MGLL: variants seen among roughly 807,000 people sequenced by gnomAD.
The protein encoded by MGLL is monoglyceride lipase.
Under a neutral mutation model 29.1 loss-of-function variants are expected in MGLL, and 7 were observed. That is an observed-to-expected ratio of 0.24 (90% CI 0.14 to 0.45). MGLL has a LOEUF of 0.45. Among genes scored for constraint, MGLL ranks in the 20% least tolerant of loss-of-function variants. MGLL has a pLI of 0.99. For synonymous variants in MGLL, 148 were observed against 168.3 expected (o/e 0.88, Z 0.93); for missense variants, 356 against 413.6 (o/e 0.86, Z 1.21).
chr3:127,701,302 T>C (rs921799547), intron 6 of MGLL, among the ~76,000 whole-genome samples: 6 of 151,556 alleles, frequency 4.0e-5, no homozygotes, highest in African/African-American at 1.5e-4. Flanking sequence ...TGGCCTGAAT[T>C]TGGAACATGC....
At chr3:127,819,535 T>C (rs1335962864) in intron 2 of MGLL, among the ~76,000 whole-genome samples, 1 of 152,096 alleles carries the variant, frequency 6.6e-6, no homozygotes, top group Non-Finnish European at 1.5e-5. Context: ...TGCCCCTTGC[T>C]TTTCCTCCCT....
rs2076237779 is a variant in MGLL, at chr3:127,736,090, A to C, written c.263-13524T>G. 4.8e-6 allele frequency: 6 copies of C among 1,254,144 alleles called. No homozygotes were observed. In the South Asian group the frequency reaches 1.7e-4, roughly 35 times the overall value. 77.7% of individuals were successfully genotyped at this position (1,254,144 alleles called of 1,614,324 possible). ...CCTCTGTGAGATTACAGAAGTTCCC[A>C]AACAGTGCTAGTTCCATTGTTTGGA... On this transcript the variant is annotated intron_variant, in intron 3 of 7. Coordinates refer to ENST00000265052, the MANE Select transcript of MGLL (RefSeq NM_007283.7).
Position 127,720,062 on chromosome 3 carries a change from G to A in MGLL, c.510+991C>T, listed in dbSNP as rs192870901. Among the ~76,000 whole-genome samples, 12 of 152,310 alleles carry A rather than the reference G, an allele frequency of 7.9e-5. No homozygotes were observed. The East Asian group carries it at 1.3e-3, about 17-fold the overall frequency. ...AAACCCTTTGAGGATGTTGTTATAA[G>A]GTTTCATTCCCTGTACTGTGTTGAA... On this transcript the variant is annotated intron_variant, in intron 5 of 7. Coordinates refer to ENST00000265052, the MANE Select transcript of MGLL (RefSeq NM_007283.7).
rs1317806604 is a variant in MGLL at position 127,693,996 on chromosome 3, G to GCA, written c.816+978_816+979insTG. Reference sequence around the variant, plus strand: ...GCTTTTAAAAAATATATTTTGCTGGGTGAGGTGGCTCACGCCTGCAATCCC... The same window carrying GCA: ...GCTTTTAAAAAATATATTTTGCTGGGCATGAGGTGGCTCACGCCTGCAATCCC... On this transcript the variant is annotated intron_variant, in intron 7 of 7. Transcript: ENST00000265052. 7.9e-3 allele frequency among the ~76,000 whole-genome samples: 1,204 copies of GCA among 152,254 alleles called. 16 individuals carry two copies. Among genetic ancestry groups the GCA allele is most frequent in the East Asian group, 0.073 (376 of 5,170 alleles).
At position 127,781,852 on chromosome 3, in the gene MGLL, G is replaced by A. The variant is rs755309988; in HGVS notation, c.199C>T (p.Arg67Cys). 2.5e-6 allele frequency: 4 copies of A among 1,614,086 alleles called. No individual in the cohort carries two copies. Among genetic ancestry groups the A allele is most frequent in the East Asian group, 2.2e-5 (1 of 44,870 alleles). ...AGCATCCGAGCCAGCTCTTCATAGC[G>A]GCCACTGTGCTCTCCGGCTCCATGG... is the stretch of plus-strand genomic sequence containing the variant. ...VSHGAGEHSGRYEELARMLMG... is the reference protein window; with the variant it reads ...VSHGAGEHSGCYEELARMLMG... Residue 67 changes from arginine to cysteine, a missense_variant, in exon 3 of 8, where the codon CGC becomes TGC. Coordinates refer to ENST00000265052, the MANE Select transcript of MGLL (RefSeq NM_007283.7).
At chr3:127,734,961 G>C (rs566429669) in intron 3 of MGLL, among the ~76,000 whole-genome samples, 1 of 152,226 alleles carries the variant, frequency 6.6e-6, no homozygotes, top group Non-Finnish European at 1.5e-5. Flanking sequence ...CTTACAGAAT[G>C]TGTGGTCAGG....
intron 3 of MGLL, among the ~76,000 whole-genome samples, chr3:127,748,300 G>T (rs922725176): frequency 5.3e-5 from 8 of 152,028 alleles, no homozygotes; most frequent in Non-Finnish European, 8.8e-5. Context: ...TGAGGGTTAC[G>T]CATCGCAGTC....
intron 3 of MGLL, among the ~76,000 whole-genome samples, chr3:127,726,705 C>T (rs564536452): frequency 6.6e-6 from 1 of 152,312 alleles, no homozygotes; most frequent in South Asian, 2.1e-4. Flanking sequence ...GCTGGGATTA[C>T]AGGTGTGAGC....
chr3:127,764,695 T>A (rs1239895597), intron 3 of MGLL, among the ~76,000 whole-genome samples: 1 of 152,196 alleles, frequency 6.6e-6, no homozygotes, highest in Non-Finnish European at 1.5e-5. Context: ...TTATAAATAC[T>A]CCATGCCGTA....
At chr3:127,772,394 G>A (rs1395781559) in intron 3 of MGLL, among the ~76,000 whole-genome samples, 1 of 152,132 alleles carries the variant, frequency 6.6e-6, no homozygotes, top group Non-Finnish European at 1.5e-5. Context: ...GAGAAGTCAA[G>A]TAACTTGCCA....
intron 3 of MGLL, among the ~76,000 whole-genome samples, chr3:127,749,857 A>T (rs1056487282): frequency 6.6e-6 from 1 of 152,150 alleles, no homozygotes; most frequent in African/African-American, 2.4e-5. Context: ...TTTAGTAATG[A>T]CCAGAAGGAG....
At chr3:127,736,290 T>C in intron 3 of MGLL, 1 of 985,938 alleles carries the variant, frequency 1.0e-6, no homozygotes, top group Non-Finnish European at 1.2e-6. Flanking sequence ...ACTATATTTT[T>C]TAACAAGAAG....
chr3:127,700,525 C>T (rs936668973), intron 6 of MGLL, among the ~76,000 whole-genome samples: 4 of 152,214 alleles, frequency 2.6e-5, no homozygotes, highest in African/African-American at 9.7e-5. Context: ...GTCTGCCCCA[C>T]GTGAGGGTCA....
chr3:127,736,519 A>C (rs2076245327), intron 3 of MGLL, among the ~76,000 whole-genome samples: 1 of 152,190 alleles, frequency 6.6e-6, no homozygotes, highest in Non-Finnish European at 1.5e-5. Context: ...GGTGAGGGGA[A>C]GGGCTCCTTT....
intron 2 of MGLL, among the ~76,000 whole-genome samples, chr3:127,813,210 G>A (rs1188421540): frequency 6.6e-6 from 1 of 151,356 alleles, no homozygotes; most frequent in Non-Finnish European, 1.5e-5. Context: ...TTTTTGTTTG[G>A]GGCCCCCTCA....
chr3:127,738,136 C>T (rs2076276560), intron 3 of MGLL, among the ~76,000 whole-genome samples: 1 of 151,608 alleles, frequency 6.6e-6, no homozygotes, highest in African/African-American at 2.4e-5. Flanking sequence ...CCCACCTGTA[C>T]AAAAAATACA....
chr3:127,709,864 A>G (rs803325), intron 6 of MGLL, among the ~76,000 whole-genome samples: 85,445 of 152,074 alleles, frequency 0.56, 26,892 homozygotes, highest in African/African-American at 0.86. Flanking sequence ...GCTGACCCCA[A>G]GCAAGTCATC....
At chr3:127,694,226 C>T (rs1260759944) in intron 7 of MGLL, among the ~76,000 whole-genome samples, 3 of 143,748 alleles carry the variant, frequency 2.1e-5, no homozygotes, top group Non-Finnish European at 3.0e-5. Context: ...GCCGAGATGG[C>T]GCCGCTGCAC....
intron 4 of MGLL, among the ~76,000 whole-genome samples, chr3:127,721,975 G>A (rs1396207285): frequency 1.3e-5 from 2 of 152,224 alleles, no homozygotes; most frequent in Admixed American, 1.3e-4. Flanking sequence ...TATTTAAAAG[G>A]TGGAAGGAGT....
Sources: gnomAD v4.1 joint callset for allele counts (sites outside exome capture counted in the v4.1 genomes callset) on GRCh38, gnomAD v4.1.1 for gene constraint, MANE v1.5 for transcripts, NCBI Gene and HGNC (gene_info 2026-07-23, HGNC 2026-07-21) for gene names.